The following LRP1B variants were observed in gnomAD, a reference collection of about 807,000 sequenced individuals.
The protein encoded by LRP1B is LDL receptor related protein 1B.
In LRP1B, 217 loss-of-function variants were observed where a neutral mutation model predicts 556.6. The observed-to-expected ratio is 0.39, with a 90% CI of 0.35 to 0.44. LRP1B has a LOEUF of 0.44. LRP1B is among the 20% of genes least tolerant of loss of function. The probability of loss-of-function intolerance (pLI) is 1.00; values close to 1 mark genes in which losing one functional copy is unlikely to be tolerated. For synonymous variants in LRP1B, 2,047 were observed against 1,865.8 expected, an observed-to-expected ratio of 1.10 and a Z score of -2.50; for missense variants, 5,053 against 5,620.8, an observed-to-expected ratio of 0.90 and a Z score of 3.23.
At chr2:140,498,759 T>C (rs1231174379) in intron 55 of LRP1B, among the ~76,000 whole-genome samples, 2 of 151,886 alleles carry the variant, frequency 1.3e-5, no homozygotes, top group Non-Finnish European at 2.9e-5. Context: ...CAAATTGTCA[T>C]ATATATGACA....
chr2:141,905,449 G>A (rs182191903), intron 1 of LRP1B, among the ~76,000 whole-genome samples: 1 of 151,802 alleles, frequency 6.6e-6, no homozygotes, highest in Non-Finnish European at 1.5e-5. Context: ...CAATCAACGA[G>A]GTTTTGTACT....
chr2:141,442,412 A>C (rs1364907602), intron 3 of LRP1B, among the ~76,000 whole-genome samples: 2 of 148,542 alleles, frequency 1.3e-5, no homozygotes, highest in African/African-American at 5.0e-5. Flanking sequence ...GTATGTTTTA[A>C]TCTTCACACA....
At chr2:140,253,110 T>G (rs575810228) in intron 86 of LRP1B, among the ~76,000 whole-genome samples, 1 of 152,128 alleles carries the variant, frequency 6.6e-6, no homozygotes, top group East Asian at 1.9e-4. Context: ...CATCTTAAAT[T>G]TATGTCTGTT....
chr2:141,115,325 A>C lies in LRP1B; in HGVS notation c.1014-53052T>G, dbSNP rs531936138. Among the ~76,000 whole-genome samples, 4 of 152,312 alleles carry C rather than the reference A, an allele frequency of 2.6e-5. No homozygotes were observed. In the East Asian group the frequency reaches 7.7e-4, roughly 29 times the overall value. On this transcript the variant is annotated intron_variant, in intron 7 of 90. Transcript: ENST00000389484. ...ACACAACATGTGATAGGAATAGACA[A>C]GGATTCAATAAACCCAGATAATACC...
intron 3 of LRP1B, among the ~76,000 whole-genome samples, chr2:141,429,400 T>C (rs927632798): frequency 1.3e-5 from 2 of 152,206 alleles, no homozygotes; most frequent in Admixed American, 6.5e-5. Flanking sequence ...AATTAGAGAA[T>C]GCATTTGACC....
rs576639015 is a variant in LRP1B at position 140,742,976 on chromosome 2, G to A, written c.5759-26160C>T. On this transcript the variant is annotated intron_variant, in intron 35 of 90. Transcript: ENST00000389484. ...CATTACCACTGGGGGAATTTGGGCA[G>A]TAAAATAAACATAAACTAATTAAAA... 9.9e-5 allele frequency among the ~76,000 whole-genome samples: 15 copies of A among 152,140 alleles called. No homozygotes were observed. In the East Asian group the frequency reaches 2.3e-3, roughly 23 times the overall value.
chr2:141,081,794 C>T (rs554402621), intron 7 of LRP1B, among the ~76,000 whole-genome samples: 2 of 152,188 alleles, frequency 1.3e-5, no homozygotes, highest in South Asian at 4.2e-4. Flanking sequence ...CACACAAGCC[C>T]ATTGCTGGGT....
intron 34 of LRP1B, among the ~76,000 whole-genome samples, chr2:140,769,849 AAGTT>A (rs1281529842): frequency 6.7e-6 from 1 of 149,922 alleles, no homozygotes; most frequent in Non-Finnish European, 1.5e-5. Flanking sequence ...GAAATTTTTG[AAGTT>A]AGTCTTCATA....
intron 1 of LRP1B, among the ~76,000 whole-genome samples, chr2:141,844,209 C>T (rs1021158490): frequency 1.2e-4 from 18 of 152,074 alleles, no homozygotes; most frequent in African/African-American, 4.1e-4. Context: ...TACTTACCTT[C>T]TACTCATTCA....
At chr2:140,967,204 CCT>C (rs1696253727) in intron 18 of LRP1B, among the ~76,000 whole-genome samples, 1 of 152,040 alleles carries the variant, frequency 6.6e-6, no homozygotes, top group Non-Finnish European at 1.5e-5. Context: ...TTGTTTGTAT[CCT>C]CTTTTATTTC....
chr2:141,200,152 T>C (rs1465190983), intron 6 of LRP1B, among the ~76,000 whole-genome samples: 1 of 152,106 alleles, frequency 6.6e-6, no homozygotes, highest in Non-Finnish European at 1.5e-5. Flanking sequence ...CTATTCACAA[T>C]AGCAAAGACG....
chr2:140,685,282 T>C (rs1686009006), intron 41 of LRP1B, among the ~76,000 whole-genome samples: 1 of 152,204 alleles, frequency 6.6e-6, no homozygotes, highest in African/African-American at 2.4e-5. Context: ...TTTCAGAAAA[T>C]GGATCAGTAA....
intron 11 of LRP1B, among the ~76,000 whole-genome samples, chr2:141,027,508 A>G (rs1025968494): frequency 2.6e-5 from 4 of 152,130 alleles, no homozygotes; most frequent in Non-Finnish European, 5.9e-5. Flanking sequence ...AAAAGAAAAC[A>G]TGAGGAAAAC....
chr2:141,137,934 A>G (rs1446798420), intron 7 of LRP1B, among the ~76,000 whole-genome samples: 1 of 151,586 alleles, frequency 6.6e-6, no homozygotes, highest in Non-Finnish European at 1.5e-5. Context: ...CTTCCAACTT[A>G]TTCTCCGAGG....
chr2:141,614,723 A>C (rs1688233569), intron 2 of LRP1B, among the ~76,000 whole-genome samples: 1 of 152,192 alleles, frequency 6.6e-6, no homozygotes, highest in South Asian at 2.1e-4. Flanking sequence ...AAGAAGAGGC[A>C]TAGAATAGAT....
At chr2:142,043,751 C>CT (rs993127617) in intron 1 of LRP1B, among the ~76,000 whole-genome samples, 4 of 151,586 alleles carry the variant, frequency 2.6e-5, no homozygotes, top group Non-Finnish European at 5.9e-5. Flanking sequence ...AAATAATTAG[C>CT]TTTTTCATTC....
chr2:141,887,002 G>GT (rs1334622471), intron 1 of LRP1B, among the ~76,000 whole-genome samples: 11 of 134,104 alleles, frequency 8.2e-5, no homozygotes, highest in Non-Finnish European at 1.5e-4. Flanking sequence ...TGTTTGTTTT[G>GT]TTTGTTTTTC....
At chr2:142,018,812 A>ATTTTTTCTTTTTCTTTT in intron 1 of LRP1B, among the ~76,000 whole-genome samples, 1 of 151,788 alleles carries the variant, frequency 6.6e-6, no homozygotes. Flanking sequence ...CAGAAGCCAG[A>ATTTTTTCTTTTTCTTTT]TTTGGAGCTT....
Position 140,492,680 on chromosome 2 carries a change from A to C in LRP1B, c.9048T>G (p.Phe3016Leu). 1.2e-6 allele frequency: 2 copies of C among 1,611,936 alleles called. No homozygotes were observed. Among genetic ancestry groups the C allele is most frequent in the Non-Finnish European group, 1.7e-6 (2 of 1,178,118 alleles). The change falls in exon 57 of 91, where the codon TTT (phenylalanine) becomes TTG (leucine). Residue 3016 changes from phenylalanine to leucine, a missense_variant. By Grantham distance (22) the Phe-to-Leu change is conservative (BLOSUM62 0). Around this residue, in one of 5 missense-constraint regions of LRP1B, gnomAD observed 3,619 missense variants for 3,931.9 expected, o/e 0.92. Coordinates refer to ENST00000389484, the MANE Select transcript of LRP1B (RefSeq NM_018557.3). ...TCTCATGATGATCAGCAAGAATTAA[A>C]AAAGGTTCTTCATCTAAACACCAAC... Reference protein sequence around the residue: ...GCKSLSDEEPFLILADHHEIR... With the variant: ...GCKSLSDEEPLLILADHHEIR...
Sources: gnomAD v4.1 joint callset for allele counts (sites outside exome capture counted in the v4.1 genomes callset) on GRCh38, gnomAD v4.1.1 for gene constraint, gnomAD v4.1.1 regional missense constraint, MANE v1.5 for transcripts, NCBI Gene and HGNC (gene_info 2026-07-23, HGNC 2026-07-21) for gene names.